TPP2: variants seen among roughly 807,000 people sequenced by gnomAD.
TPP2 encodes tripeptidyl-peptidase 2.
Under a neutral mutation model 155.9 loss-of-function variants are expected in TPP2, and 34 were observed. The observed-to-expected ratio is 0.22, with a 90% CI of 0.17 to 0.29. The LOEUF (loss-of-function observed/expected upper bound fraction) is 0.29. Ranked by LOEUF, TPP2 falls within the 10% of genes least tolerant of loss-of-function variation. The probability of loss-of-function intolerance (pLI) is 1.00; values close to 1 mark genes in which losing one functional copy is unlikely to be tolerated. For synonymous variants in TPP2, 510 were observed against 529.4 expected, an observed-to-expected ratio of 0.96 and a Z score of 0.50; for missense variants, 1,028 against 1,522.3, an observed-to-expected ratio of 0.68 and a Z score of 5.40.
In TPP2 at chr13:102,674,933, A is replaced by G. The variant is rs567976852; in HGVS notation, c.3579+443A>G. ...GAATTTCTCAGTAATTATCATCTTG[A>G]TTTGTAGCTAATCAGTTTTAAAACC... On this transcript the variant is annotated intron_variant, in intron 28 of 29. Transcript: ENST00000376052. 2.0e-5 allele frequency among the ~76,000 whole-genome samples: 3 copies of G among 152,262 alleles called. No homozygotes were observed. The East Asian group carries it at 5.8e-4, about 29-fold the overall frequency.
Position 102,614,060 on chromosome 13 carries a change from G to A in TPP2, c.295-41G>A, listed in dbSNP as rs781514557. The A allele has an allele frequency of 2.6e-6, 4 of 1,564,856 alleles. No homozygotes were observed. In the East Asian group the frequency reaches 6.7e-5, roughly 26 times the overall value. ...AGTAGTGTATCATTGGAATTGGAAA[G>A]CATTTAGTGAATGAACAGGTTACTC... On this transcript the variant is annotated intron_variant, in intron 2 of 29. Coordinates refer to ENST00000376052, the MANE Select transcript of TPP2 (RefSeq NM_001330588.2).
At chr13:102,653,546 C>T (rs1213447899) in intron 24 of TPP2, among the ~76,000 whole-genome samples, 1 of 152,074 alleles carries the variant, frequency 6.6e-6, no homozygotes, top group African/African-American at 2.4e-5. Context: ...AGGCGTGTGC[C>T]ACTATGCCTG....
At chr13:102,671,088 C>T (rs757032129) in intron 27 of TPP2, among the ~76,000 whole-genome samples, 24 of 152,136 alleles carry the variant, frequency 1.6e-4, no homozygotes, top group Non-Finnish European at 2.4e-4. Flanking sequence ...ATGAAATTGG[C>T]GAGCTGGCCT....
intron 2 of TPP2, chr13:102,607,610 G>C: frequency 2.3e-6 from 1 of 426,582 alleles, no homozygotes; most frequent in South Asian, 1.7e-5. Context: ...ATTTTGAGAT[G>C]GAGTCTTACT....
intron 27 of TPP2, among the ~76,000 whole-genome samples, chr13:102,670,656 C>G (rs1175555637): frequency 1.3e-5 from 2 of 152,118 alleles, no homozygotes; most frequent in African/African-American, 4.8e-5. Flanking sequence ...AGTTAAATAC[C>G]TGGGAGAGTC....
chr13:102,611,072 T>G (rs1880278546), intron 2 of TPP2, among the ~76,000 whole-genome samples: 1 of 152,236 alleles, frequency 6.6e-6, no homozygotes, highest in Admixed American at 6.5e-5. Flanking sequence ...TCATACGTCA[T>G]TTTTCCCTTG....
chr13:102,601,845 G>A (rs1415940842), intron 1 of TPP2, among the ~76,000 whole-genome samples: 1 of 152,132 alleles, frequency 6.6e-6, no homozygotes, highest in Non-Finnish European at 1.5e-5. Context: ...TAATATTAAA[G>A]TAAGAAATTC....
At chr13:102,634,942 T>C (rs1414169656) in intron 11 of TPP2, among the ~76,000 whole-genome samples, 1 of 152,226 alleles carries the variant, frequency 6.6e-6, no homozygotes. Flanking sequence ...AGAGGCGGCT[T>C]ATCTGTCAGT....
intron 1 of TPP2, among the ~76,000 whole-genome samples, chr13:102,602,556 C>A (rs1029256166): frequency 2.0e-5 from 3 of 152,014 alleles, no homozygotes; most frequent in African/African-American, 7.3e-5. Context: ...TGTTCCATGG[C>A]AACAAGATTG....
At chr13:102,612,855 TTTAA>T (rs1391704526) in intron 2 of TPP2, among the ~76,000 whole-genome samples, 1 of 152,264 alleles carries the variant, frequency 6.6e-6, no homozygotes, top group Non-Finnish European at 1.5e-5. Context: ...TTGCAGTTAT[TTTAA>T]TTAGTTACTT....
rs150995996 is a variant in TPP2, at chr13:102,621,510, G to A, written c.621-1367G>A. On this transcript the variant is annotated intron_variant, in intron 5 of 29. Transcript: ENST00000376052. ...AGAAAGGGTGGGGGAAAGATCCAGAGGATGTTGGAGGAACTGTGAGAAGTT... is the reference window on the plus strand; with the variant it reads ...AGAAAGGGTGGGGGAAAGATCCAGAAGATGTTGGAGGAACTGTGAGAAGTT... 1.9e-3 allele frequency among the ~76,000 whole-genome samples: 291 copies of A among 152,292 alleles called. 2 individuals are homozygous for A. Among genetic ancestry groups the A allele is most frequent in the African/African-American group, 6.1e-3 (254 of 41,564 alleles).
At chr13:102,651,484 T>A in intron 24 of TPP2, 87 bp downstream of exon 24, 1 of 1,350,066 alleles carries the variant, frequency 7.4e-7, no homozygotes, top group Non-Finnish European at 1.0e-6. Context: ...AACCTTTTTT[T>A]TAATAAGTCT....
chr13:102,602,932 T>G (rs1310915808), intron 1 of TPP2, among the ~76,000 whole-genome samples: 1 of 144,204 alleles, frequency 6.9e-6, no homozygotes, highest in Non-Finnish European at 1.5e-5. Flanking sequence ...TCGTTTTTTG[T>G]TTTTTTTTCA....
rs1566353648 is a variant in TPP2, at chr13:102,646,221, G to A, written c.2394-73G>A. 3 of 1,247,914 alleles carry A rather than the reference G, an allele frequency of 2.4e-6. No homozygotes were observed. The East Asian group carries it at 7.5e-5, about 31-fold the overall frequency. 77.3% of individuals were successfully genotyped at this position (1,247,914 alleles called of 1,614,324 possible). A position where few individuals can be genotyped will look rare whatever the true frequency, so the allele number is the denominator to read the frequency against. On this transcript the variant is annotated intron_variant, in intron 19 of 29. Coordinates refer to ENST00000376052, the MANE Select transcript of TPP2 (RefSeq NM_001330588.2). ...CTTTTTGCAATATGTTACAGATTTT[G>A]TTGCATATGGTTTTATTTGTCTCAT... is the stretch of plus-strand genomic sequence containing the variant.
Position 102,629,628 on chromosome 13 carries a change from A to G in TPP2, c.1144+19A>G. On this transcript the variant is annotated intron_variant, in intron 9 of 29. Coordinates refer to ENST00000376052, the MANE Select transcript of TPP2 (RefSeq NM_001330588.2). The stretch of plus-strand genomic sequence containing the variant: ...GTGATAGGTTAGTTTCCTGTTTTAG[A>G]AATAGATTTGTTTAGAAACAAGCAA... The G allele has an allele frequency of 1.9e-6, 3 of 1,549,736 alleles. No individual in the cohort carries two copies. The highest frequency in any genetic ancestry group is 2.6e-6 in the Non-Finnish European group (3 of 1,159,620).
Position 102,636,227 on chromosome 13 carries a change from G to A in TPP2, c.1513G>A (p.Asp505Asn). Residue 505 changes from aspartate to asparagine, a missense_variant, in exon 13 of 30, where the codon GAT becomes AAT. Around this residue, in one of 7 missense-constraint regions of TPP2, gnomAD observed 325 missense variants for 463.7 expected, o/e 0.70. Transcript: ENST00000376052. ...CCATGTATATTATTTTCACTAGGTTGATAAAGCCTATGACTACCTCGTTCA... is the reference window on the plus strand; with the variant it reads ...CCATGTATATTATTTTCACTAGGTTAATAAAGCCTATGACTACCTCGTTCA... ...FAQGHGIIQV[D>N]KAYDYLVQNT... 1 of 1,606,442 alleles carries A rather than the reference G, an allele frequency of 6.2e-7. No homozygotes were observed. The highest frequency in any genetic ancestry group is 8.5e-7 in the Non-Finnish European group (1 of 1,177,274).
rs116316618 is a variant in TPP2 at position 102,602,946 on chromosome 13, G to A, written c.166-1847G>A. On this transcript the variant is annotated intron_variant, in intron 1 of 29. Coordinates refer to ENST00000376052, the MANE Select transcript of TPP2 (RefSeq NM_001330588.2). ...TTCGTTTTTTGTTTTTTTTTCAGTC[G>A]TTGTGTCTCTGTTTTCTGGCTGATT... 3.6e-3 allele frequency among the ~76,000 whole-genome samples: 537 copies of A among 149,000 alleles called. 1 individual carries two copies. The highest frequency in any genetic ancestry group is 0.013 in the African/African-American group (507 of 40,446).
chr13:102,670,190 A>G (rs1884879810), intron 27 of TPP2, among the ~76,000 whole-genome samples: 1 of 152,096 alleles, frequency 6.6e-6, no homozygotes, highest in Admixed American at 6.6e-5. Flanking sequence ...GTGGCGGTGA[A>G]CCACTTTTGT....
At chr13:102,616,626 A>C (rs1451931155) in intron 4 of TPP2, 126 bp downstream of exon 4, 1 of 683,684 alleles carries the variant, frequency 1.5e-6, no homozygotes, top group African/African-American at 1.8e-5. Flanking sequence ...AAGTTGGTTA[A>C]TTTTACTAAT....
Sources: gnomAD v4.1 joint callset for allele counts (sites outside exome capture counted in the v4.1 genomes callset) on GRCh38, gnomAD v4.1.1 for gene constraint, gnomAD v4.1.1 regional missense constraint, MANE v1.5 for transcripts, NCBI Gene and HGNC (gene_info 2026-07-23, HGNC 2026-07-21) for gene names.